The following DLC1 variants were observed in gnomAD, a reference collection of about 807,000 sequenced individuals.
The protein encoded by DLC1 is rho GTPase-activating protein 7.
In DLC1, 54 loss-of-function variants were observed where a neutral mutation model predicts 140.3. The ratio of observed to expected loss-of-function variants is 0.38; its 90% CI spans 0.31 to 0.48. DLC1 has a LOEUF of 0.48. Ranked by LOEUF, DLC1 falls within the 20% of genes least tolerant of loss-of-function variation. The pLI is 0.96. For missense variants in DLC1, 2,536 were observed against 1,907.0 expected, an observed-to-expected ratio of 1.33 and a Z score of -6.14; for synonymous variants, 986 against 728.1, an observed-to-expected ratio of 1.35 and a Z score of -5.70.
At position 13,500,161 on chromosome 8, in the gene DLC1, A is replaced by G. The variant is rs1801743069; in HGVS notation, c.-90T>C. The G allele has an allele frequency of 8.2e-7, 1 of 1,226,560 alleles. No homozygotes were observed. The allele number at this position is 1,226,560 out of a possible 1,614,324, so 76.0% of individuals were successfully genotyped here. A position where few individuals can be genotyped will look rare whatever the true frequency, so the allele number is the denominator to read the frequency against. On this transcript the variant is annotated 5_prime_UTR_variant, in exon 2 of 18. Transcript: ENST00000276297. ...GATGAAAGATTATTTCAAAATCACC[A>G]ATCAAAGAAGCGAATGAGTTCTGTC...
At chr8:13,508,116 A>G (rs561805216) in intron 1 of DLC1, among the ~76,000 whole-genome samples, 1 of 152,204 alleles carries the variant, frequency 6.6e-6, no homozygotes, top group African/African-American at 2.4e-5. Context: ...GCGGTGCTCT[A>G]TTTTTACGTC....
chr8:13,256,566 CT>C (rs1830237127), intron 5 of DLC1, among the ~76,000 whole-genome samples: 1 of 152,126 alleles, frequency 6.6e-6, no homozygotes. Flanking sequence ...AGTTCATGTC[CT>C]TTGCAGGGAC....
At chr8:13,382,505 CAAAAAAAAA>C (rs71207149) in intron 4 of DLC1, among the ~76,000 whole-genome samples, 2 of 35,508 alleles carry the variant, frequency 5.6e-5, no homozygotes, top group Non-Finnish European at 9.1e-5. Context: ...GACTCCGTCT[CAAAAAAAAA>C]AAAAAAAAAA....
At chr8:13,114,069 T>A (rs1156515212) in intron 6 of DLC1, among the ~76,000 whole-genome samples, 1 of 152,236 alleles carries the variant, frequency 6.6e-6, no homozygotes, top group African/African-American at 2.4e-5. Flanking sequence ...CCCATTTAAA[T>A]GAACTGCCTA....
intron 1 of DLC1, among the ~76,000 whole-genome samples, chr8:13,520,421 A>T (rs1052715902): frequency 3.9e-5 from 6 of 152,026 alleles, no homozygotes; most frequent in African/African-American, 1.4e-4. Flanking sequence ...GGAGTTGAAC[A>T]GTGGGAACTC....
At chr8:13,182,128 A>C (rs971030327) in intron 5 of DLC1, among the ~76,000 whole-genome samples, 2 of 151,854 alleles carry the variant, frequency 1.3e-5, no homozygotes, top group African/African-American at 4.8e-5. Flanking sequence ...GGCTGCATAG[A>C]TGTCTTCTTT....
chr8:13,561,038 G>T (rs1397356736), intron 1 of DLC1, among the ~76,000 whole-genome samples: 1 of 151,942 alleles, frequency 6.6e-6, no homozygotes, highest in East Asian at 1.9e-4. Flanking sequence ...CTCAAACTTT[G>T]TGTGCTAGTT....
At chr8:13,519,096 C>G (rs1802684398), upstream of DLC1, among the ~76,000 whole-genome samples, 1 of 151,854 alleles carries the variant, frequency 6.6e-6, no homozygotes, top group South Asian at 2.1e-4. Flanking sequence ...CCCCCATCAA[C>G]TCGTTATTTA....
At chr8:13,289,726 C>T (rs1054807893) in intron 5 of DLC1, among the ~76,000 whole-genome samples, 19 of 152,140 alleles carry the variant, frequency 1.2e-4, no homozygotes, top group East Asian at 1.9e-4. Flanking sequence ...GGGTATACAA[C>T]GCTAGAGAAT....
At chr8:13,221,680 TTGTG>T (rs1299847221) in intron 5 of DLC1, among the ~76,000 whole-genome samples, 12 of 140,590 alleles carry the variant, frequency 8.5e-5, no homozygotes, top group Admixed American at 2.2e-4. Context: ...CCCAAAGATT[TTGTG>T]TGTGTGTGTG....
intron 5 of DLC1, among the ~76,000 whole-genome samples, chr8:13,181,644 T>C (rs1008545166): frequency 6.6e-6 from 1 of 152,132 alleles, no homozygotes; most frequent in African/African-American, 2.4e-5. Flanking sequence ...GCTTCATCCA[T>C]GTCCCTGCAA....
In DLC1 at chr8:13,500,164, C is replaced by A; in HGVS notation, c.-93G>T. ...GAAAGATTATTTCAAAATCACCAAT[C>A]AAAGAAGCGAATGAGTTCTGTCATT... On this transcript the variant is annotated 5_prime_UTR_variant, in exon 2 of 18. Transcript: ENST00000276297. 1 of 1,185,776 alleles carries A rather than the reference C, an allele frequency of 8.4e-7. No individual in the cohort carries two copies. The highest frequency in any genetic ancestry group is 1.2e-6 in the Non-Finnish European group (1 of 848,704). The allele number at this position is 1,185,776 out of a possible 1,614,324, so 73.5% of individuals were successfully genotyped here.
At chr8:13,206,077 C>T (rs1278451267) in intron 5 of DLC1, among the ~76,000 whole-genome samples, 2 of 152,154 alleles carry the variant, frequency 1.3e-5, no homozygotes, top group Non-Finnish European at 2.9e-5. Flanking sequence ...AAAGTCATCA[C>T]TGTTAGCAAG....
In DLC1 at chr8:13,303,532, G is replaced by A. The variant is rs78154369; in HGVS notation, c.1348+1737C>T. On this transcript the variant is annotated intron_variant, in intron 5 of 17. Coordinates refer to ENST00000276297, the MANE Select transcript of DLC1 (RefSeq NM_182643.3). ...TGTTTTAAAAATATTTTCATGCCAGGTGCTCACACCTGTAATCCCAGCACT... is the reference window on the plus strand; with the variant it reads ...TGTTTTAAAAATATTTTCATGCCAGATGCTCACACCTGTAATCCCAGCACT... Among the ~76,000 whole-genome samples the A allele has an allele frequency of 8.6e-4, 131 of 152,128 alleles. 1 individual carries two copies. The East Asian group carries it at 0.023, about 27-fold the overall frequency.
chr8:13,144,997 C>T (rs1036624953), intron 5 of DLC1, among the ~76,000 whole-genome samples: 3 of 152,128 alleles, frequency 2.0e-5, no homozygotes, highest in Non-Finnish European at 4.4e-5. Context: ...CGGCCACATT[C>T]TCTGACCAAA....
At chr8:13,148,781 G>A (rs1424686313) in intron 5 of DLC1, among the ~76,000 whole-genome samples, 1 of 152,030 alleles carries the variant, frequency 6.6e-6, no homozygotes, top group Non-Finnish European at 1.5e-5. Flanking sequence ...CCAGTAATGA[G>A]GTGATAATTT....
At chr8:13,382,440 G>A (rs977956307) in intron 4 of DLC1, among the ~76,000 whole-genome samples, 1 of 142,974 alleles carries the variant, frequency 7.0e-6, no homozygotes, top group Non-Finnish European at 1.5e-5. Flanking sequence ...CCCAGGGGGC[G>A]GAGCCTGCAG....
chr8:13,305,403 T>C, intron 4 of DLC1, 101 bp from the exon 5 acceptor site: 4 of 1,231,152 alleles, frequency 3.2e-6, no homozygotes, highest in Non-Finnish European at 4.5e-6. Flanking sequence ...AAAAATTAAA[T>C]AGAGAATGCC....
chr8:13,115,315 T>C lies in DLC1; in HGVS notation c.1420+271A>G, dbSNP rs184679327. Among the ~76,000 whole-genome samples the C allele has an allele frequency of 2.6e-3, 403 of 152,266 alleles. 2 individuals are homozygous for C. The highest frequency in any genetic ancestry group is 9.0e-3 in the African/African-American group (374 of 41,550). ...CTTTTCAGGAAATGGAGTAGAATTA[T>C]ACAAAAAGAAAGCAAGAAAATGATA... On this transcript the variant is annotated intron_variant, in intron 6 of 17. Coordinates refer to ENST00000276297, the MANE Select transcript of DLC1 (RefSeq NM_182643.3).
Sources: gnomAD v4.1 joint callset for allele counts (sites outside exome capture counted in the v4.1 genomes callset) on GRCh38, gnomAD v4.1.1 for gene constraint, MANE v1.5 for transcripts, NCBI Gene and HGNC (gene_info 2026-07-23, HGNC 2026-07-21) for gene names.